The following PKHD1 variants were observed in gnomAD, a reference collection of about 807,000 sequenced individuals.
The protein encoded by PKHD1 is fibrocystin.
In PKHD1, 291 loss-of-function variants were observed where a neutral mutation model predicts 412.0. The observed-to-expected ratio is 0.71, with a 90% CI of 0.64 to 0.78. The LOEUF (loss-of-function observed/expected upper bound fraction) is 0.78, where lower values mean the gene tolerates loss of function less well. PKHD1 is among the 30% of genes least tolerant of loss of function. The probability of loss-of-function intolerance (pLI) is 0.00; values close to 1 mark genes in which losing one functional copy is unlikely to be tolerated. For missense variants in PKHD1, 4,825 were observed against 4,950.7 expected (o/e 0.97, Z 0.76); for synonymous variants, 1,777 against 1,821.5 (o/e 0.98, Z 0.62).
At chr6:51,780,941 T>C (rs577116692) in intron 53 of PKHD1, among the ~76,000 whole-genome samples, 1 of 152,288 alleles carries the variant, frequency 6.6e-6, no homozygotes, top group East Asian at 1.9e-4. Flanking sequence ...ATCTTAAAAC[T>C]CTATAAATAT....
chr6:51,706,042 G>T (rs915001351), intron 60 of PKHD1, among the ~76,000 whole-genome samples: 27 of 152,026 alleles, frequency 1.8e-4, no homozygotes, highest in African/African-American at 6.3e-4. Context: ...ATGCCCCAGG[G>T]TAAAACTTAT....
intron 45 of PKHD1, 134 bp downstream of exon 45, chr6:51,885,733 A>T (rs1778100744): frequency 1.4e-6 from 1 of 712,688 alleles, no homozygotes; most frequent in South Asian, 1.5e-5. Flanking sequence ...AAATTGTGAC[A>T]GCACAGCAAT....
At chr6:51,957,294 T>TA (rs1262001635) in intron 36 of PKHD1, among the ~76,000 whole-genome samples, 3 of 152,024 alleles carry the variant, frequency 2.0e-5, no homozygotes, top group African/African-American at 7.2e-5. Flanking sequence ...GTGTAGTTCC[T>TA]ACTGGGTCAT....
intron 60 of PKHD1, among the ~76,000 whole-genome samples, chr6:51,670,236 T>G (rs1774680167): frequency 6.6e-6 from 1 of 151,978 alleles, no homozygotes; most frequent in South Asian, 2.1e-4. Context: ...TGCTCCTGTA[T>G]TGGGTGCATA....
At chr6:51,831,075 T>C (rs1012712447) in intron 51 of PKHD1, 86 bp from the exon 52 acceptor site, 4 of 967,612 alleles carry the variant, frequency 4.1e-6, no homozygotes, top group Non-Finnish European at 6.5e-6. Context: ...TAGTGGTATT[T>C]TCACCTCCCA....
intron 60 of PKHD1, among the ~76,000 whole-genome samples, chr6:51,695,663 A>G (rs571953357): frequency 4.7e-4 from 71 of 152,310 alleles, no homozygotes; most frequent in African/African-American, 1.6e-3. Flanking sequence ...AAGTTATTTT[A>G]TAGGTTATGA....
intron 51 of PKHD1, among the ~76,000 whole-genome samples, chr6:51,831,297 C>T (rs1768203274): frequency 6.6e-6 from 1 of 152,152 alleles, no homozygotes; most frequent in African/African-American, 2.4e-5. Context: ...CCCATAATCT[C>T]ACTACCTTGC....
intron 49 of PKHD1, among the ~76,000 whole-genome samples, chr6:51,849,185 C>T (rs775739051): frequency 4.3e-4 from 66 of 152,076 alleles, no homozygotes; most frequent in Non-Finnish European, 7.1e-4. Flanking sequence ...AGTTTGCTAA[C>T]GATGATGGCT....
intron 28 of PKHD1, 111 bp downstream of exon 28, chr6:52,035,480 A>T: frequency 9.3e-7 from 1 of 1,081,066 alleles, no homozygotes. Context: ...TACTATCATA[A>T]TGAGAAGTTT....
Position 51,986,181 on chromosome 6 carries a change from A to G in PKHD1, c.5751+24128T>C, listed in dbSNP as rs566998913. On this transcript the variant is annotated intron_variant, in intron 35 of 66. Coordinates refer to ENST00000371117, the MANE Select transcript of PKHD1 (RefSeq NM_138694.4). ...AGCATTTGTCTCTAATATTATAGAA[A>G]TGCCATATTCAGACCTGTCGTGGAG... is the stretch of plus-strand genomic sequence containing the variant. 2.0e-4 allele frequency among the ~76,000 whole-genome samples: 31 copies of G among 152,328 alleles called. 1 individual carries two copies. The highest frequency in any genetic ancestry group is 6.7e-4 in the African/African-American group (28 of 41,570).
chr6:52,072,734 C>T (rs1389204236), intron 7 of PKHD1, among the ~76,000 whole-genome samples: 1 of 152,156 alleles, frequency 6.6e-6, no homozygotes, highest in Admixed American at 6.6e-5. Flanking sequence ...GCCCCCAACC[C>T]ATCCAGAGTG....
intron 35 of PKHD1, among the ~76,000 whole-genome samples, chr6:51,990,570 CA>C (rs1328485042): frequency 6.6e-6 from 1 of 152,140 alleles, no homozygotes; most frequent in Admixed American, 6.5e-5. Flanking sequence ...CCAATATTTT[CA>C]AACTAAAATC....
chr6:52,042,379 G>A (rs1400010436), intron 27 of PKHD1, among the ~76,000 whole-genome samples: 1 of 152,190 alleles, frequency 6.6e-6, no homozygotes, highest in Non-Finnish European at 1.5e-5. Flanking sequence ...ATAAGCATCA[G>A]TATTCCTGAG....
chr6:51,710,973 C>A (rs948701983), intron 60 of PKHD1, among the ~76,000 whole-genome samples: 4 of 152,124 alleles, frequency 2.6e-5, no homozygotes, highest in Admixed American at 2.0e-4. Flanking sequence ...TACTTCAAAT[C>A]TTCTTGGTCT....
At chr6:52,085,381 G>A (rs1000446399) in intron 1 of PKHD1, among the ~76,000 whole-genome samples, 9 of 152,082 alleles carry the variant, frequency 5.9e-5, no homozygotes, top group African/African-American at 1.9e-4. Flanking sequence ...GCTTTCCCTC[G>A]TGCTGCTCTC....
intron 21 of PKHD1, among the ~76,000 whole-genome samples, chr6:52,052,352 G>C (rs148402995): frequency 1.3e-5 from 2 of 152,312 alleles, no homozygotes; most frequent in African/African-American, 4.8e-5. Context: ...TTGTCCCTAA[G>C]ACTAGCGGGC....
chr6:51,793,511 C>T (rs1302133100), intron 52 of PKHD1, among the ~76,000 whole-genome samples: 1 of 152,152 alleles, frequency 6.6e-6, no homozygotes, highest in Non-Finnish European at 1.5e-5. Flanking sequence ...CCTCTTCCTC[C>T]TCCCACCACC....
At chr6:51,884,033 A>G (rs1269538082) in intron 45 of PKHD1, among the ~76,000 whole-genome samples, 1 of 152,136 alleles carries the variant, frequency 6.6e-6, no homozygotes, top group Admixed American at 6.5e-5. Context: ...GTTTATTATA[A>G]TTTTCCCAAA....
chr6:51,740,909 GC>G (rs1784472732), intron 60 of PKHD1, among the ~76,000 whole-genome samples: 1 of 152,142 alleles, frequency 6.6e-6, no homozygotes, highest in Non-Finnish European at 1.5e-5. Flanking sequence ...GGTACCTATA[GC>G]AACCTCATTT....
Sources: allele counts gnomAD v4.1 joint callset (sites outside exome capture counted in the v4.1 genomes callset), GRCh38; gene constraint gnomAD v4.1.1; transcripts MANE v1.5; gene names NCBI Gene and HGNC (gene_info 2026-07-23, HGNC 2026-07-21).